GNAQ: variants seen among roughly 807,000 people sequenced by gnomAD.
GNAQ encodes the protein guanine nucleotide-binding protein G(q) subunit alpha.
Under a neutral mutation model 43.9 loss-of-function variants are expected in GNAQ, and 8 were observed. The ratio of observed to expected loss-of-function variants is 0.18; its 90% CI spans 0.11 to 0.33. The LOEUF (loss-of-function observed/expected upper bound fraction) is 0.33, where lower values mean the gene tolerates loss of function less well. GNAQ is among the 10% of genes least tolerant of loss of function. The pLI, the probability that GNAQ is intolerant of heterozygous loss-of-function variation, is 1.00. For missense variants in GNAQ, 158 were observed against 450.8 expected, an observed-to-expected ratio of 0.35 and a Z score of 5.88; for synonymous variants, 155 against 170.7, an observed-to-expected ratio of 0.91 and a Z score of 0.71.
chr9:78,028,221 A>T (rs992920134), intron 1 of GNAQ, among the ~76,000 whole-genome samples: 1 of 152,212 alleles, frequency 6.6e-6, no homozygotes, highest in Non-Finnish European at 1.5e-5. Context: ...AAGAATGAAT[A>T]AGTTAAAAGA....
At chr9:77,962,892 C>CAAAAAAAAAAAAAAAAAA (rs538653191) in intron 1 of GNAQ, among the ~76,000 whole-genome samples, 1 of 55,240 alleles carries the variant, frequency 1.8e-5, no homozygotes, top group Non-Finnish European at 3.7e-5. Flanking sequence ...AACTTAGTCT[C>CAAAAAAAAAAAAAAAAAA]AAAAAAAAAA....
chr9:77,989,969 A>T (rs1228778308), intron 1 of GNAQ, among the ~76,000 whole-genome samples: 1 of 152,178 alleles, frequency 6.6e-6, no homozygotes, highest in Non-Finnish European at 1.5e-5. Context: ...TTTAAATTTC[A>T]TAAATGAACT....
At chr9:78,025,226 A>T (rs975127799) in intron 1 of GNAQ, among the ~76,000 whole-genome samples, 1 of 152,184 alleles carries the variant, frequency 6.6e-6, no homozygotes. Flanking sequence ...ATTGTTGAAC[A>T]ACTTCCTATA....
intron 5 of GNAQ, among the ~76,000 whole-genome samples, chr9:77,775,948 A>G (rs1826300844): frequency 6.6e-6 from 1 of 152,210 alleles, no homozygotes; most frequent in Non-Finnish European, 1.5e-5. Flanking sequence ...ATAAAAGAAA[A>G]GAAAAAGAAA....
chr9:78,023,920 AACACACACATATTGTATATGTGTGTATAT>A (rs1346744522), intron 1 of GNAQ, among the ~76,000 whole-genome samples: 1 of 148,184 alleles, frequency 6.7e-6, no homozygotes, highest in Non-Finnish European at 1.5e-5. Flanking sequence ...TGTGTGTATA[AACACACACATATTGTATATGTGTGTATAT>A]ACACACACAC....
At chr9:77,911,301 T>C (rs930813085) in intron 2 of GNAQ, among the ~76,000 whole-genome samples, 2 of 152,144 alleles carry the variant, frequency 1.3e-5, no homozygotes, top group African/African-American at 4.8e-5. Context: ...TCAGTTTTAT[T>C]CCCACATACA....
chr9:77,791,780 C>G (rs533374154), intron 5 of GNAQ, among the ~76,000 whole-genome samples: 36 of 152,270 alleles, frequency 2.4e-4, no homozygotes, highest in African/African-American at 8.2e-4. Flanking sequence ...GAAAAGCTGT[C>G]AGAATCCATT....
At chr9:78,022,437 G>A (rs552410715) in intron 1 of GNAQ, among the ~76,000 whole-genome samples, 48 of 152,214 alleles carry the variant, frequency 3.2e-4, no homozygotes, top group African/African-American at 1.0e-3. Flanking sequence ...AGCAGGGCAG[G>A]AATACTTCAC....
intron 3 of GNAQ, among the ~76,000 whole-genome samples, chr9:77,810,712 G>A (rs1400088955): frequency 2.0e-5 from 3 of 152,094 alleles, no homozygotes; most frequent in African/African-American, 2.4e-5. Context: ...CTATTATTTC[G>A]TGAAACAATC....
At chr9:77,823,074 G>A (rs1185900730) in intron 2 of GNAQ, among the ~76,000 whole-genome samples, 1 of 151,958 alleles carries the variant, frequency 6.6e-6, no homozygotes, top group East Asian at 1.9e-4. Context: ...TGAGTAGCTG[G>A]GACTACAGGC....
At chr9:77,887,809 C>G (rs1341463686) in intron 2 of GNAQ, among the ~76,000 whole-genome samples, 2 of 152,196 alleles carry the variant, frequency 1.3e-5, no homozygotes, top group African/African-American at 4.8e-5. Context: ...TATACACACA[C>G]ACTATTATTC....
At chr9:77,887,708 C>A (rs1828332646) in intron 2 of GNAQ, among the ~76,000 whole-genome samples, 4 of 152,114 alleles carry the variant, frequency 2.6e-5, no homozygotes, top group African/African-American at 9.7e-5. Flanking sequence ...ACCATATATT[C>A]TTAGAAATAT....
At chr9:77,899,457 C>T (rs1828559368) in intron 2 of GNAQ, among the ~76,000 whole-genome samples, 1 of 151,642 alleles carries the variant, frequency 6.6e-6, no homozygotes, top group Non-Finnish European at 1.5e-5. Flanking sequence ...GTGTACTCTG[C>T]TTTTTACCAG....
chr9:77,930,192 T>C (rs1829128800), intron 1 of GNAQ, among the ~76,000 whole-genome samples: 1 of 152,022 alleles, frequency 6.6e-6, no homozygotes, highest in African/African-American at 2.4e-5. Context: ...CACAGACCCA[T>C]CCCCCACCTC....
At chr9:77,962,219 G>A (rs1412542694) in intron 1 of GNAQ, among the ~76,000 whole-genome samples, 2 of 152,108 alleles carry the variant, frequency 1.3e-5, no homozygotes, top group Non-Finnish European at 2.9e-5. Context: ...TTGAGTACTA[G>A]AAGAAGAGAG....
intron 6 of GNAQ, among the ~76,000 whole-genome samples, chr9:77,728,272 C>T (rs900436106): frequency 2.6e-5 from 4 of 152,196 alleles, no homozygotes; most frequent in Admixed American, 6.5e-5. Flanking sequence ...GGATTACAGG[C>T]GCTCGCCACT....
At chr9:77,911,903 A>G (rs1828812035) in intron 2 of GNAQ, among the ~76,000 whole-genome samples, 1 of 152,232 alleles carries the variant, frequency 6.6e-6, no homozygotes, top group Non-Finnish European at 1.5e-5. Flanking sequence ...AACTAGGAAA[A>G]ATAAAAGTCC....
intron 2 of GNAQ, among the ~76,000 whole-genome samples, chr9:77,830,803 A>C (rs1225715768): frequency 6.6e-6 from 1 of 151,458 alleles, no homozygotes; most frequent in Non-Finnish European, 1.5e-5. Flanking sequence ...TTGTGGTATG[A>C]TTTTGCTGTC....
At chr9:77,926,307 T>C (rs1829072114) in intron 1 of GNAQ, among the ~76,000 whole-genome samples, 1 of 152,088 alleles carries the variant, frequency 6.6e-6, no homozygotes, top group Non-Finnish European at 1.5e-5. Flanking sequence ...AATTTTGGTA[T>C]AATAAAAAAA....
Sources: gnomAD v4.1 joint callset for allele counts (sites outside exome capture counted in the v4.1 genomes callset) on GRCh38, gnomAD v4.1.1 for gene constraint, MANE v1.5 for transcripts, NCBI Gene and HGNC (gene_info 2026-07-23, HGNC 2026-07-21) for gene names.